SCHIP1: variants seen among roughly 807,000 people sequenced by gnomAD.
The protein encoded by SCHIP1 is schwannomin interacting protein 1, also known as schwannomin-interacting protein 1.
In SCHIP1, 8 loss-of-function variants were observed where a neutral mutation model predicts 29.7. The observed-to-expected ratio is 0.27, with a 90% CI of 0.16 to 0.49. The LOEUF is 0.49. Ranked by LOEUF, SCHIP1 falls within the 20% of genes least tolerant of loss-of-function variation. SCHIP1 has a pLI of 0.99. For synonymous variants in SCHIP1, 76 were observed against 94.9 expected (o/e 0.80, Z 1.16); for missense variants, 193 against 294.6 (o/e 0.66, Z 2.52).
At chr3:159,575,834 C>G in the SCHIP1 span, among the ~76,000 whole-genome samples, 2 of 152,126 alleles carry the variant, frequency 1.3e-5, no homozygotes, top group African/African-American at 4.8e-5. Context: ...TTCCTTTTCA[C>G]TTTGATTTCC....
the SCHIP1 span, among the ~76,000 whole-genome samples, chr3:159,421,496 T>TCCTTTTTC: frequency 3.1e-4 from 47 of 152,220 alleles, no homozygotes; most frequent in African/African-American, 1.1e-3. Flanking sequence ...GACTTTATAC[T>TCCTTTTTC]ATGAAAAAGG....
chr3:159,834,847 G>A, the SCHIP1 span, among the ~76,000 whole-genome samples: 6 of 152,108 alleles, frequency 3.9e-5, no homozygotes, highest in South Asian at 4.2e-4. Context: ...AATGAATCTC[G>A]TGTTTAGACC....
chr3:159,778,610 G>A, the SCHIP1 span, among the ~76,000 whole-genome samples: 1 of 152,138 alleles, frequency 6.6e-6, no homozygotes, highest in Middle Eastern at 3.2e-3. Context: ...ACTTGAGGAG[G>A]GAGGGGAGAG....
upstream of SCHIP1, among the ~76,000 whole-genome samples, chr3:159,839,628 C>CTTTTTTTTTTTTTTTTTTTTTTTT (rs3068349): frequency 1.4e-5 from 1 of 71,710 alleles, no homozygotes; most frequent in Non-Finnish European, 2.4e-5. Flanking sequence ...AGGTCTTTTT[C>CTTTTTTTTTTTTTTTTTTTTTTTT]TTTTTTTTTT....
chr3:159,355,358 C>T, the SCHIP1 span, among the ~76,000 whole-genome samples: 2 of 152,290 alleles, frequency 1.3e-5, no homozygotes, highest in South Asian at 2.1e-4. Context: ...CATCCCAATG[C>T]AGCATCTCTC....
At chr3:159,333,893 T>C in the SCHIP1 span, among the ~76,000 whole-genome samples, 10 of 152,302 alleles carry the variant, frequency 6.6e-5, no homozygotes, top group African/African-American at 2.2e-4. Flanking sequence ...TTAGTCCTAA[T>C]GGGCTGGACC....
At chr3:159,476,953 C>T in the SCHIP1 span, among the ~76,000 whole-genome samples, 2 of 152,126 alleles carry the variant, frequency 1.3e-5, no homozygotes, top group Non-Finnish European at 2.9e-5. Flanking sequence ...TCCTTCCTTT[C>T]CCCTTCCCCA....
chr3:159,587,363 T>TA, the SCHIP1 span, among the ~76,000 whole-genome samples: 3 of 150,964 alleles, frequency 2.0e-5, no homozygotes, highest in Non-Finnish European at 3.0e-5. Context: ...ACAAGATGAA[T>TA]AAAAAACTAA....
At chr3:159,404,413 A>G in the SCHIP1 span, among the ~76,000 whole-genome samples, 1 of 152,142 alleles carries the variant, frequency 6.6e-6, no homozygotes, top group African/African-American at 2.4e-5. Flanking sequence ...ACTGCCCTGA[A>G]GGGAGCGTCC....
At chr3:159,653,274 A>T in the SCHIP1 span, among the ~76,000 whole-genome samples, 59 of 152,306 alleles carry the variant, frequency 3.9e-4, no homozygotes, top group African/African-American at 1.4e-3. Context: ...TTCTACTATA[A>T]AGACCCATAT....
the SCHIP1 span, among the ~76,000 whole-genome samples, chr3:159,546,591 G>C: frequency 2.0e-5 from 3 of 152,044 alleles, no homozygotes; most frequent in African/African-American, 7.2e-5. Context: ...CCTGCTGACA[G>C]GCCCTGGTGT....
the SCHIP1 span, among the ~76,000 whole-genome samples, chr3:159,758,385 T>A: frequency 3.9e-5 from 6 of 152,160 alleles, no homozygotes; most frequent in African/African-American, 1.4e-4. Context: ...ACTCCTGACC[T>A]TGTGATCCGC....
At chr3:159,789,312 C>T in the SCHIP1 span, among the ~76,000 whole-genome samples, 2 of 152,168 alleles carry the variant, frequency 1.3e-5, no homozygotes, top group African/African-American at 2.4e-5. Flanking sequence ...TTAATGTCAT[C>T]AACTGATTGG....
At position 159,891,295 on chromosome 3, in the gene SCHIP1, C is replaced by T. The variant is rs186171570; in HGVS notation, c.590-802C>T. 9.4e-4 allele frequency among the ~76,000 whole-genome samples: 143 copies of T among 152,018 alleles called. 1 individual carries two copies. Among genetic ancestry groups the T allele is most frequent in the African/African-American group, 2.9e-3 (120 of 41,458 alleles). ...CTGAGGCAGTAGAATCACTCGAACC[C>T]GGGAGGTGGAGGTTGCAATGAGCCG... On this transcript the variant is annotated intron_variant, in intron 5 of 6. Transcript: ENST00000445224.
the SCHIP1 span, among the ~76,000 whole-genome samples, chr3:159,697,340 A>T: frequency 6.6e-6 from 1 of 152,172 alleles, no homozygotes; most frequent in African/African-American, 2.4e-5. Context: ...GAATTTTTGG[A>T]TGGAGAGAGG....
the SCHIP1 span, among the ~76,000 whole-genome samples, chr3:159,652,323 T>C: frequency 2.0e-5 from 3 of 152,196 alleles, no homozygotes; most frequent in South Asian, 6.2e-4. Context: ...TAGTGATTGG[T>C]GGTTTTTTAA....
the SCHIP1 span, among the ~76,000 whole-genome samples, chr3:159,627,187 T>C: frequency 6.6e-6 from 1 of 152,192 alleles, no homozygotes; most frequent in African/African-American, 2.4e-5. Context: ...GCTTCATCCA[T>C]GTCCCCGCAA....
At chr3:159,876,249 A>G (rs1715791703) in intron 2 of SCHIP1, among the ~76,000 whole-genome samples, 1 of 152,112 alleles carries the variant, frequency 6.6e-6, no homozygotes, top group South Asian at 2.1e-4. Context: ...TGCTCTGTTA[A>G]TCACCATGCT....
intron 1 of SCHIP1, chr3:159,853,475 T>C: frequency 1.5e-6 from 1 of 688,620 alleles, no homozygotes; most frequent in South Asian, 1.5e-5. Flanking sequence ...GGGAGAGCTC[T>C]TTTGTTTATA....
Sources: allele counts gnomAD v4.1 joint callset (sites outside exome capture counted in the v4.1 genomes callset), GRCh38; gene constraint gnomAD v4.1.1; transcripts MANE v1.5; gene names NCBI Gene and HGNC (gene_info 2026-07-23, HGNC 2026-07-21).